The following TRIM38 variants were observed in gnomAD, a reference collection of about 807,000 sequenced individuals.
TRIM38 encodes the protein tripartite motif containing 38.
TRIM38 carries 35 observed loss-of-function variants against 35.8 expected under a neutral mutation model. The ratio of observed to expected loss-of-function variants is 0.98; its 90% confidence interval spans 0.75 to 1.30. The LOEUF (loss-of-function observed/expected upper bound fraction) is 1.30, where lower values mean the gene tolerates loss of function less well. Among genes scored for constraint, TRIM38 ranks in the 50% most tolerant of loss-of-function variants. The pLI, the probability that TRIM38 is intolerant of heterozygous loss-of-function variation, is 0.00. For synonymous variants in TRIM38, 198 were observed against 204.7 expected (o/e 0.97, Z 0.28); for missense variants, 545 against 556.9 (o/e 0.98, Z 0.21).
chr6:25,981,359 AGG>A (rs1760539284), intron 7 of TRIM38, among the ~76,000 whole-genome samples: 1 of 152,256 alleles, frequency 6.6e-6, no homozygotes, highest in African/African-American at 2.4e-5. Flanking sequence ...GGGAAAAGTG[AGG>A]GATTATTTGG....
Position 25,966,764 on chromosome 6 carries a change from T to C in TRIM38, c.242T>C (p.Ile81Thr), listed in dbSNP as rs374740900. 61 of 1,614,084 alleles carry C rather than the reference T, an allele frequency of 3.8e-5. 1 individual carries two copies. The highest frequency in any genetic ancestry group is 8.0e-5 in the African/African-American group (6 of 74,938). Residue 81 changes from isoleucine (I) to threonine (T), a missense_variant, in exon 3 of 8, where the codon ATT becomes ACT. Physicochemically the swap from Ile to Thr is moderately conservative, Grantham distance 89. Transcript: ENST00000357085. ...CCCAACAAGCAGCTGGGAAGCCTCA[T>C]TGAAGCCCTCAAAGAGACGGATCAA... Reference protein sequence around the residue: ...LRPNKQLGSLIEALKETDQEM... With the variant: ...LRPNKQLGSLTEALKETDQEM...
At chr6:25,973,708 G>A in intron 7 of TRIM38, 1 of 985,336 alleles carries the variant, frequency 1.0e-6, no homozygotes, top group Non-Finnish European at 1.2e-6. Flanking sequence ...CAATAGCTCA[G>A]CCAACTCTTA....
chr6:25,990,876 A>G lies in TRIM38; in HGVS notation c.*7189A>G, dbSNP rs1760814845. Reference sequence around the variant, plus strand: ...CACTGTGATACATTTTTTAAAACACATTAAATTATCACCAGAAAAGTGCTG... The same window carrying G: ...CACTGTGATACATTTTTTAAAACACGTTAAATTATCACCAGAAAAGTGCTG... On this transcript the variant is annotated 3_prime_UTR_variant, in exon 8 of 8. Coordinates refer to ENST00000357085, the MANE Select transcript of TRIM38 (RefSeq NM_006355.5). The G allele has an allele frequency of 6.6e-6, 1 of 152,180 alleles. No homozygotes were observed. The highest frequency in any genetic ancestry group is 2.4e-5 in the African/African-American group (1 of 41,452). 9.4% of individuals were successfully genotyped at this position (152,180 alleles called of 1,614,324 possible). A position where few individuals can be genotyped will look rare whatever the true frequency, so the allele number is the denominator to read the frequency against.
At chr6:25,966,032 A>G (rs1330639515) in intron 2 of TRIM38, among the ~76,000 whole-genome samples, 2 of 152,122 alleles carry the variant, frequency 1.3e-5, no homozygotes, top group Non-Finnish European at 2.9e-5. Context: ...GTGAGGCAGG[A>G]GTATAGGTCT....
At position 25,989,704 on chromosome 6, in the gene TRIM38, A is replaced by G. The variant is rs1013930396; in HGVS notation, c.*6017A>G. On this transcript the variant is annotated 3_prime_UTR_variant, in exon 8 of 8. Transcript: ENST00000357085. Reference sequence around the variant, plus strand: ...GGTAACTTAATCTTTCACTTTTTGAAAACAAAAAATAGTTTTTTTCTCATA... The same window carrying G: ...GGTAACTTAATCTTTCACTTTTTGAGAACAAAAAATAGTTTTTTTCTCATA... 2.5e-4 allele frequency: 38 copies of G among 151,866 alleles called. No homozygotes were observed. Among genetic ancestry groups the G allele is most frequent in the African/African-American group, 8.9e-4 (37 of 41,406 alleles). The allele number at this position is 151,866 out of a possible 1,614,324, so 9.4% of individuals were successfully genotyped here.
At chr6:25,973,358 T>C in intron 7 of TRIM38, 73 bp downstream of exon 7, 8 of 1,562,378 alleles carry the variant, frequency 5.1e-6, no homozygotes, top group Non-Finnish European at 7.0e-6. Flanking sequence ...TTACCACCTG[T>C]CCCTTGGCAG....
chr6:25,973,971 C>T (rs923928483), intron 7 of TRIM38: 3 of 716,060 alleles, frequency 4.2e-6, no homozygotes, highest in Middle Eastern at 7.1e-4. Flanking sequence ...CATTTGGCTA[C>T]AAAAATCTGG....
rs1219255959 is a variant in TRIM38 at position 25,984,738 on chromosome 6, GC to G, written c.*1052del. On this transcript the variant is annotated 3_prime_UTR_variant, in exon 8 of 8. Transcript: ENST00000357085. ...TACTAAAAATACAAAAATTAGCCGG[GC>G]ATGGTGGTAGGGGCCTGTAACCCAG... 1 of 152,170 alleles carries G rather than the reference GC, an allele frequency of 6.6e-6. No individual in the cohort carries two copies. The highest frequency in any genetic ancestry group is 1.5e-5 in the Non-Finnish European group (1 of 68,074). The allele number at this position is 152,170 out of a possible 1,614,324, so 9.4% of individuals were successfully genotyped here.
At chr6:25,977,979 C>A (rs1054286842) in intron 7 of TRIM38, among the ~76,000 whole-genome samples, 1 of 152,100 alleles carries the variant, frequency 6.6e-6, no homozygotes, top group Non-Finnish European at 1.5e-5. Flanking sequence ...CATACCTGGA[C>A]TCTTGGTCCA....
chr6:25,973,162 G>A lies in TRIM38; in HGVS notation c.762-11G>A. 1 of 1,614,162 alleles carries A rather than the reference G, an allele frequency of 6.2e-7. No homozygotes were observed. The highest frequency in any genetic ancestry group is 8.5e-7 in the Non-Finnish European group (1 of 1,180,000). ...ACCTCTGAAGAAATCTCTCGCCTCT[G>A]CTTATTCTAGGAGTTGGGCTGTGAA... On this transcript the variant is annotated splice_polypyrimidine_tract_variant and intron_variant, in intron 6 of 7. Transcript: ENST00000357085.
intron 7 of TRIM38, chr6:25,973,823 T>C: frequency 1.0e-6 from 1 of 985,456 alleles, no homozygotes; most frequent in African/African-American, 1.7e-5. Flanking sequence ...AATTTACAGA[T>C]TCCAAAATGT....
At position 25,988,099 on chromosome 6, in the gene TRIM38, T is replaced by C. The variant is rs1160031880; in HGVS notation, c.*4412T>C. 2.6e-5 allele frequency: 4 copies of C among 152,258 alleles called. No individual in the cohort carries two copies. The highest frequency in any genetic ancestry group is 5.9e-5 in the Non-Finnish European group (4 of 68,062). The allele number at this position is 152,258 out of a possible 1,614,324, so 9.4% of individuals were successfully genotyped here. A position where few individuals can be genotyped will look rare whatever the true frequency, so the allele number is the denominator to read the frequency against. ...CAGGACATTATCGACTTCTTTCCTC[T>C]GTACCTACTCCGAAGTTACCACTCT... On this transcript the variant is annotated 3_prime_UTR_variant, in exon 8 of 8. Transcript: ENST00000357085.
Position 25,966,705 on chromosome 6 carries a change from G to T in TRIM38, c.183G>T (p.Gln61His). ...GGCAGGAGACATTCTGCTGTCCCCA[G>T]TGTCGGGCTCCATTTCATATGGATA... is the stretch of plus-strand genomic sequence containing the variant. ...QLRQETFCCP[Q>H]CRAPFHMDSL... Residue 61 changes from glutamine to histidine, a missense_variant, in exon 3 of 8, where the codon CAG becomes CAT. Transcript: ENST00000357085. 3.7e-6 allele frequency: 6 copies of T among 1,614,206 alleles called. No individual in the cohort carries two copies. Among genetic ancestry groups the T allele is most frequent in the Non-Finnish European group, 5.1e-6 (6 of 1,180,040 alleles).
At chr6:25,970,777 G>A (rs986523088) in intron 4 of TRIM38, among the ~76,000 whole-genome samples, 1 of 152,026 alleles carries the variant, frequency 6.6e-6, no homozygotes, top group African/African-American at 2.4e-5. Context: ...GATAAGTAGA[G>A]AGTTTATTTG....
intron 6 of TRIM38, 36 bp downstream of exon 6, chr6:25,973,112 G>T (rs758432703): frequency 6.2e-7 from 1 of 1,614,004 alleles, no homozygotes; most frequent in African/African-American, 1.3e-5. Context: ...GGAGGGGTGT[G>T]CGTATATAGA....
chr6:25,969,554 C>T, intron 4 of TRIM38, 134 bp downstream of exon 4: 1 of 667,700 alleles, frequency 1.5e-6, no homozygotes, highest in Non-Finnish European at 2.4e-6. Flanking sequence ...AAGGAAGAAA[C>T]CATTATTTGT....
chr6:25,973,677 T>A, intron 7 of TRIM38: 2 of 985,452 alleles, frequency 2.0e-6, no homozygotes, highest in Non-Finnish European at 2.4e-6. Flanking sequence ...TGGTATTAGA[T>A]CTGATCATAG....
At chr6:25,981,600 T>C (rs371104873) in intron 7 of TRIM38, among the ~76,000 whole-genome samples, 5 of 152,366 alleles carry the variant, frequency 3.3e-5, no homozygotes, top group African/African-American at 1.2e-4. Context: ...TCTGATATTT[T>C]TCATGTATAT....
At chr6:25,965,328 G>C (rs1348437091) in intron 2 of TRIM38, among the ~76,000 whole-genome samples, 1 of 152,184 alleles carries the variant, frequency 6.6e-6, no homozygotes, top group Non-Finnish European at 1.5e-5. Flanking sequence ...AACTGGAACA[G>C]AAAAACTGAA....
Sources: gnomAD v4.1 joint callset for allele counts (sites outside exome capture counted in the v4.1 genomes callset) on GRCh38, gnomAD v4.1.1 for gene constraint, MANE v1.5 for transcripts, NCBI Gene and HGNC (gene_info 2026-07-23, HGNC 2026-07-21) for gene names.